Variants in ZMIZ1 observed in about 807,000 individuals in gnomAD.
ZMIZ1 encodes the protein zinc finger MIZ-type containing 1, also known as zinc finger MIZ domain-containing protein 1.
A neutral mutation model predicts 113.9 loss-of-function variants in ZMIZ1; 17 were observed. The observed-to-expected ratio is 0.15, with a 90% CI of 0.10 to 0.22. ZMIZ1 has a LOEUF of 0.22. Among genes scored for constraint, ZMIZ1 ranks in the 10% least tolerant of loss-of-function variants. ZMIZ1 has a pLI of 1.00. For missense variants in ZMIZ1, 1,059 were observed against 1,477.8 expected, an observed-to-expected ratio of 0.72 and a Z score of 4.65; for synonymous variants, 607 against 603.1, an observed-to-expected ratio of 1.01 and a Z score of -0.09.
chr10:79,269,326 G>A (rs2131939536), intron 7 of ZMIZ1, among the ~76,000 whole-genome samples: 1 of 152,246 alleles, frequency 6.6e-6, no homozygotes, highest in African/African-American at 2.4e-5. Flanking sequence ...CATGGTTTGA[G>A]GATGAGAGGG....
Position 79,300,628 on chromosome 10 carries a change from G to A in ZMIZ1, c.1809-104G>A, listed in dbSNP as rs146764133. On this transcript the variant is annotated intron_variant, in intron 16 of 24. Transcript: ENST00000334512. ...TCAGGGATGGGGTCCTGAGGATCTC[G>A]GAGGTTGTGGTGTGTTTAGAGGTGT... is the stretch of plus-strand genomic sequence containing the variant. 798 of 1,365,192 alleles carry A rather than the reference G, an allele frequency of 5.8e-4. No individual in the cohort carries two copies. The African/African-American group carries it at 6.3e-3, about 11-fold the overall frequency. The allele number at this position is 1,365,192 out of a possible 1,614,324, so 84.6% of individuals were successfully genotyped here.
chr10:79,100,997 CG>C (rs1181953348), intron 1 of ZMIZ1, among the ~76,000 whole-genome samples: 1 of 152,102 alleles, frequency 6.6e-6, no homozygotes, highest in African/African-American at 2.4e-5. Context: ...GCACAAAGGT[CG>C]GGTCCCTAGA....
At chr10:79,280,934 C>T (rs1451621058) in intron 8 of ZMIZ1, among the ~76,000 whole-genome samples, 1 of 152,174 alleles carries the variant, frequency 6.6e-6, no homozygotes, top group African/African-American at 2.4e-5. Flanking sequence ...GAAGCTTTAC[C>T]TTATTAATTC....
intron 4 of ZMIZ1, among the ~76,000 whole-genome samples, chr10:79,173,719 AC>A (rs1376416551): frequency 6.6e-6 from 1 of 152,094 alleles, no homozygotes; most frequent in Non-Finnish European, 1.5e-5. Context: ...ATTAGCACTT[AC>A]CCCAGTCATT....
chr10:79,203,417 G>A (rs1444003841), intron 5 of ZMIZ1, among the ~76,000 whole-genome samples: 3 of 152,062 alleles, frequency 2.0e-5, no homozygotes, highest in Non-Finnish European at 1.5e-5. Flanking sequence ...GAAACCAGAC[G>A]CCAAGACTCC....
At chr10:79,274,527 G>T (rs930823250) in intron 7 of ZMIZ1, among the ~76,000 whole-genome samples, 8 of 152,154 alleles carry the variant, frequency 5.3e-5, no homozygotes, top group African/African-American at 1.9e-4. Flanking sequence ...CGAATTCCCG[G>T]GTGTTGTCAT....
rs1323883939 is a variant in ZMIZ1 at position 79,312,767 on chromosome 10, C to T, written c.*18C>T. 8 of 1,608,492 alleles carry T rather than the reference C, an allele frequency of 5.0e-6. No individual in the cohort carries two copies. Among genetic ancestry groups the T allele is most frequent in the Non-Finnish European group, 5.1e-6 (6 of 1,174,954 alleles). On this transcript the variant is annotated 3_prime_UTR_variant, in exon 25 of 25. Coordinates refer to ENST00000334512, the MANE Select transcript of ZMIZ1 (RefSeq NM_020338.4). The stretch of plus-strand genomic sequence containing the variant: ...ACAACTGAGGGCCACCCGGTCGGGG[C>T]CATCCCTCCACACTCTGCATCCTAC...
At chr10:79,213,715 T>C (rs977647570) in intron 6 of ZMIZ1, among the ~76,000 whole-genome samples, 1 of 152,238 alleles carries the variant, frequency 6.6e-6, no homozygotes, top group Non-Finnish European at 1.5e-5. Context: ...GTTAACCCTT[T>C]GTGGACTGAG....
chr10:79,281,076 C>G (rs1461526725), intron 8 of ZMIZ1, among the ~76,000 whole-genome samples: 2 of 152,200 alleles, frequency 1.3e-5, no homozygotes, highest in Non-Finnish European at 2.9e-5. Flanking sequence ...CCTGCAGCTC[C>G]CCACTAGGGA....
intron 4 of ZMIZ1, among the ~76,000 whole-genome samples, chr10:79,192,853 G>T (rs1847663275): frequency 6.6e-6 from 1 of 152,144 alleles, no homozygotes; most frequent in African/African-American, 2.4e-5. Flanking sequence ...CTGGCCCGAG[G>T]GCCTGCTCCA....
At chr10:79,109,517 C>G (rs1425184533) in intron 1 of ZMIZ1, among the ~76,000 whole-genome samples, 2 of 152,218 alleles carry the variant, frequency 1.3e-5, no homozygotes, top group Non-Finnish European at 2.9e-5. Context: ...GCATCTCCAC[C>G]CCACCTCCAT....
At chr10:79,183,858 G>A (rs1389291416) in intron 4 of ZMIZ1, among the ~76,000 whole-genome samples, 1 of 152,158 alleles carries the variant, frequency 6.6e-6, no homozygotes, top group Admixed American at 6.5e-5. Context: ...TTAAGGGCTG[G>A]GTTTTGGGGT....
chr10:79,235,898 C>T (rs1849570354), intron 7 of ZMIZ1, among the ~76,000 whole-genome samples: 1 of 152,220 alleles, frequency 6.6e-6, no homozygotes, highest in Non-Finnish European at 1.5e-5. Context: ...GTGGAACAAG[C>T]CAGGAGTCTG....
At chr10:79,081,686 G>A (rs1413702245) in intron 1 of ZMIZ1, among the ~76,000 whole-genome samples, 1 of 152,148 alleles carries the variant, frequency 6.6e-6, no homozygotes, top group Non-Finnish European at 1.5e-5. Context: ...TGCCACTTAG[G>A]CGCATCTTGC....
chr10:79,156,865 C>A (rs1286272901), intron 3 of ZMIZ1, among the ~76,000 whole-genome samples: 1 of 152,208 alleles, frequency 6.6e-6, no homozygotes, highest in Non-Finnish European at 1.5e-5. Flanking sequence ...CCCAGAGCAC[C>A]AAGTCCCTGG....
At chr10:79,197,893 C>T (rs1327699242) in intron 4 of ZMIZ1, among the ~76,000 whole-genome samples, 3 of 152,064 alleles carry the variant, frequency 2.0e-5, no homozygotes, top group East Asian at 1.9e-4. Flanking sequence ...TCCTTGAACA[C>T]AAGAAAATGA....
chr10:79,095,042 G>A (rs1843125636), intron 1 of ZMIZ1, among the ~76,000 whole-genome samples: 1 of 152,038 alleles, frequency 6.6e-6, no homozygotes, highest in African/African-American at 2.4e-5. Flanking sequence ...GACCAGAGAG[G>A]GCTGTCCCTG....
At chr10:79,156,528 C>T (rs929396042) in intron 3 of ZMIZ1, among the ~76,000 whole-genome samples, 1 of 152,208 alleles carries the variant, frequency 6.6e-6, no homozygotes, top group Non-Finnish European at 1.5e-5. Flanking sequence ...TTCGAGCCTT[C>T]CCCATGGGAG....
chr10:79,299,333 C>T, intron 16 of ZMIZ1, 142 bp downstream of exon 16: 2 of 1,267,446 alleles, frequency 1.6e-6, no homozygotes, highest in Non-Finnish European at 2.1e-6. Flanking sequence ...TTGACTGGGC[C>T]CTGTCCTGCG....
Sources: gnomAD v4.1 joint callset for allele counts (sites outside exome capture counted in the v4.1 genomes callset) on GRCh38, gnomAD v4.1.1 for gene constraint, MANE v1.5 for transcripts, NCBI Gene and HGNC (gene_info 2026-07-23, HGNC 2026-07-21) for gene names.